SPATA6: variants seen among roughly 807,000 people sequenced by gnomAD.
The protein encoded by SPATA6 is spermatogenesis-associated protein 6.
A neutral mutation model predicts 65.3 loss-of-function variants in SPATA6; 56 were observed. That is an observed-to-expected ratio of 0.86 (90% CI 0.69 to 1.07). The LOEUF (loss-of-function observed/expected upper bound fraction) is 1.07. Ranked by LOEUF, SPATA6 falls within the 50% of genes least tolerant of loss-of-function variation. SPATA6 has a pLI of 0.00. For missense variants in SPATA6, 590 were observed against 594.8 expected, an observed-to-expected ratio of 0.99 and a Z score of 0.08; for synonymous variants, 199 against 213.2, an observed-to-expected ratio of 0.93 and a Z score of 0.58.
At chr1:48,471,411 G>C (rs1315707009) in intron 1 of SPATA6, among the ~76,000 whole-genome samples, 2 of 152,154 alleles carry the variant, frequency 1.3e-5, no homozygotes, top group African/African-American at 4.8e-5. Flanking sequence ...GGGAAGGCAA[G>C]GTACTTTGCG....
chr1:48,277,774 G>T, the SPATA6 span, among the ~76,000 whole-genome samples: 1 of 152,216 alleles, frequency 6.6e-6, no homozygotes, highest in East Asian at 1.9e-4. Context: ...CAAAAAGACA[G>T]CAGTAACCTC....
At chr1:48,433,981 C>T (rs1186212437) in intron 3 of SPATA6, among the ~76,000 whole-genome samples, 1 of 152,090 alleles carries the variant, frequency 6.6e-6, no homozygotes, top group African/African-American at 2.4e-5. Context: ...TAACATACTG[C>T]AATATAAATA....
chr1:48,349,298 C>T (rs1646453327), intron 11 of SPATA6, among the ~76,000 whole-genome samples: 1 of 151,920 alleles, frequency 6.6e-6, no homozygotes, highest in Non-Finnish European at 1.5e-5. Flanking sequence ...TAACATCTTA[C>T]AGTCTACAGA....
intron 1 of SPATA6, among the ~76,000 whole-genome samples, chr1:48,463,945 T>C (rs1433138724): frequency 6.8e-6 from 1 of 147,246 alleles, no homozygotes; most frequent in African/African-American, 2.6e-5. Context: ...CATCAAAAAG[T>C]GTCATTTTTT....
At chr1:48,358,559 G>A (rs958675105) in intron 10 of SPATA6, among the ~76,000 whole-genome samples, 3 of 152,066 alleles carry the variant, frequency 2.0e-5, no homozygotes, top group Non-Finnish European at 4.4e-5. Context: ...CCAACTGTAC[G>A]TCTAAACAGC....
chr1:48,269,014 T>A, the SPATA6 span, among the ~76,000 whole-genome samples: 1 of 152,172 alleles, frequency 6.6e-6, no homozygotes, highest in African/African-American at 2.4e-5. Flanking sequence ...CTCTAGGTAT[T>A]CCCACATTAC....
the SPATA6 span, among the ~76,000 whole-genome samples, chr1:48,280,193 G>A: frequency 2.0e-5 from 3 of 151,968 alleles, no homozygotes; most frequent in Non-Finnish European, 2.9e-5. Context: ...GTGTGTAGCG[G>A]GAAATTTATA....
chr1:48,294,743 A>G (rs943455681), downstream of SPATA6, among the ~76,000 whole-genome samples: 1 of 152,168 alleles, frequency 6.6e-6, no homozygotes, highest in African/African-American at 2.4e-5. Context: ...ATTCAGCTCA[A>G]TGGTCACCTC....
chr1:48,452,510 A>C (rs557656741), intron 2 of SPATA6, among the ~76,000 whole-genome samples: 1 of 151,838 alleles, frequency 6.6e-6, no homozygotes, highest in East Asian at 1.9e-4. Context: ...CAGCCTCCCG[A>C]GTAAGTGGGA....
At chr1:48,350,615 G>A (rs1281676578) in intron 11 of SPATA6, among the ~76,000 whole-genome samples, 2 of 151,782 alleles carry the variant, frequency 1.3e-5, no homozygotes, top group African/African-American at 4.8e-5. Context: ...AGAACCATTT[G>A]TTTAAAAGAT....
intron 5 of SPATA6, among the ~76,000 whole-genome samples, chr1:48,408,457 A>G (rs12723829): frequency 0.25 from 37,318 of 152,134 alleles, 4,795 homozygotes; most frequent in Admixed American, 0.3. Flanking sequence ...GTATGAATAT[A>G]TATTTCCATT....
intron 11 of SPATA6, among the ~76,000 whole-genome samples, chr1:48,313,116 C>T (rs1645275737): frequency 6.6e-6 from 1 of 152,158 alleles, no homozygotes; most frequent in African/African-American, 2.4e-5. Flanking sequence ...TTGGAAAACA[C>T]TCCACAGGAT....
At position 48,298,594 on chromosome 1, in the gene SPATA6, A is replaced by G. The variant is rs141923322; in HGVS notation, c.*119T>C. The G allele has an allele frequency of 2.8e-4, 247 of 884,724 alleles. No individual in the cohort carries two copies. In the African/African-American group the frequency reaches 3.9e-3, roughly 14 times the overall value. 54.8% of individuals were successfully genotyped at this position (884,724 alleles called of 1,614,324 possible). Reference sequence around the variant, plus strand: ...GAAGTAATGAACTTATTCAAGTATAACTATTGTACTTAGTTATAATCCCAT... The same window carrying G: ...GAAGTAATGAACTTATTCAAGTATAGCTATTGTACTTAGTTATAATCCCAT... On this transcript the variant is annotated 3_prime_UTR_variant, in exon 13 of 13. Transcript: ENST00000371847.
At chr1:48,286,507 T>C in the SPATA6 span, among the ~76,000 whole-genome samples, 1 of 152,204 alleles carries the variant, frequency 6.6e-6, no homozygotes, top group Non-Finnish European at 1.5e-5. Context: ...TATGTGCTAA[T>C]TTTCTATTCT....
chr1:48,289,412 C>A, the SPATA6 span, among the ~76,000 whole-genome samples: 1 of 152,178 alleles, frequency 6.6e-6, no homozygotes, highest in Non-Finnish European at 1.5e-5. Flanking sequence ...AGCAGAAAAG[C>A]TGAAAATTCT....
intron 9 of SPATA6, among the ~76,000 whole-genome samples, chr1:48,360,627 G>T (rs1646785331): frequency 6.6e-6 from 1 of 152,154 alleles, no homozygotes; most frequent in South Asian, 2.1e-4. Context: ...AAAAAGGTAG[G>T]TTTTAAGAAA....
intron 12 of SPATA6, among the ~76,000 whole-genome samples, chr1:48,304,488 CATG>C (rs1387704263): frequency 6.6e-6 from 1 of 152,138 alleles, no homozygotes; most frequent in African/African-American, 2.4e-5. Flanking sequence ...TAGAATTACC[CATG>C]ATATCCCATT....
At chr1:48,469,296 T>C (rs1446215883) in intron 1 of SPATA6, among the ~76,000 whole-genome samples, 1 of 152,164 alleles carries the variant, frequency 6.6e-6, no homozygotes, top group African/African-American at 2.4e-5. Flanking sequence ...GTTACAGTTA[T>C]TCATTGAACT....
chr1:48,409,594 A>G (rs988057428), intron 5 of SPATA6, among the ~76,000 whole-genome samples: 3 of 152,236 alleles, frequency 2.0e-5, no homozygotes, highest in African/African-American at 7.2e-5. Context: ...GAGGTTCTCC[A>G]TGAGCACCTC....
Sources: gnomAD v4.1 joint callset for allele counts (sites outside exome capture counted in the v4.1 genomes callset) on GRCh38, gnomAD v4.1.1 for gene constraint, MANE v1.5 for transcripts, NCBI Gene and HGNC (gene_info 2026-07-23, HGNC 2026-07-21) for gene names.